The following SGCZ variants were observed in gnomAD, a reference collection of about 807,000 sequenced individuals.
The protein encoded by SGCZ is zeta-sarcoglycan.
In SGCZ, 40 loss-of-function variants were observed where a neutral mutation model predicts 41.3. The observed-to-expected ratio is 0.97, with a 90% CI of 0.75 to 1.26. The LOEUF (loss-of-function observed/expected upper bound fraction) is 1.26. Among genes scored for constraint, SGCZ ranks in the 50% most tolerant of loss-of-function variants. SGCZ has a pLI of 0.00. For synonymous variants in SGCZ, 206 were observed against 137.5 expected (o/e 1.50, Z -3.49); for missense variants, 552 against 369.8 (o/e 1.49, Z -4.04).
At chr8:14,237,729 A>C in intron 3 of SGCZ, 50 bp from the exon 4 acceptor site, 1 of 1,528,862 alleles carries the variant, frequency 6.5e-7, no homozygotes, top group Non-Finnish European at 9.0e-7. Flanking sequence ...ATATCGTCAA[A>C]TTTACAAAAA....
chr8:15,097,885 T>TGTATATATATATATATATAC (rs1563124100), intron 1 of SGCZ, among the ~76,000 whole-genome samples: 22 of 19,690 alleles, frequency 1.1e-3, no homozygotes, highest in African/African-American at 2.7e-3. Context: ...TATATATACG[T>TGTATATATATATATATATAC]GTGTATATAT....
chr8:14,516,132 G>GT (rs1208540023), intron 2 of SGCZ, among the ~76,000 whole-genome samples: 4 of 151,480 alleles, frequency 2.6e-5, no homozygotes, highest in East Asian at 2.0e-4. Context: ...TATGTCTGTG[G>GT]TTTTTTTCTT....
chr8:15,157,337 G>A (rs1799362637), intron 1 of SGCZ, among the ~76,000 whole-genome samples: 1 of 151,722 alleles, frequency 6.6e-6, no homozygotes, highest in Non-Finnish European at 1.5e-5. Context: ...GCCCAGGAGT[G>A]AGCTCACACC....
rs111711507 is a variant in SGCZ, at chr8:15,141,640, A to C, written c.39+95945T>G. Among the ~76,000 whole-genome samples the C allele has an allele frequency of 2.6e-5, 4 of 152,308 alleles. 1 individual carries two copies. Among genetic ancestry groups the C allele is most frequent in the African/African-American group, 9.6e-5 (4 of 41,584 alleles). ...GAACCTCATCCATGCACGGTGGCTC[A>C]CGCCTGTAATCCCAGCACTCTGGGA... On this transcript the variant is annotated intron_variant, in intron 1 of 7. Transcript: ENST00000382080.
At chr8:14,716,926 T>C (rs1388829363) in intron 1 of SGCZ, among the ~76,000 whole-genome samples, 1 of 152,058 alleles carries the variant, frequency 6.6e-6, no homozygotes, top group African/African-American at 2.4e-5. Flanking sequence ...TCTAATACAA[T>C]GCAATTATAT....
intron 1 of SGCZ, among the ~76,000 whole-genome samples, chr8:15,231,264 A>C (rs144436445): frequency 1.3e-5 from 2 of 152,186 alleles, no homozygotes; most frequent in Non-Finnish European, 2.9e-5. Flanking sequence ...TCATATGTCA[A>C]CTTGGCATAG....
intron 1 of SGCZ, among the ~76,000 whole-genome samples, chr8:14,622,978 G>A (rs1806333618): frequency 6.6e-6 from 1 of 152,124 alleles, no homozygotes; most frequent in South Asian, 2.1e-4. Context: ...CAGTAGCAGA[G>A]ATGAAAGAAC....
intron 4 of SGCZ, among the ~76,000 whole-genome samples, chr8:14,234,445 T>A (rs1806683887): frequency 6.6e-6 from 1 of 152,004 alleles, no homozygotes; most frequent in Admixed American, 6.6e-5. Context: ...ACAATGAGAA[T>A]AAAATATGGA....
At position 15,103,319 on chromosome 8, in the gene SGCZ, T is replaced by C. The variant is rs546914289; in HGVS notation, c.39+134266A>G. On this transcript the variant is annotated intron_variant, in intron 1 of 7. Transcript: ENST00000382080. ...GGGAGGCTGAGGCACGACAATCAGT[T>C]GAACCTGGGAGGCAGAGGCTGCAGT... 1.1e-4 allele frequency among the ~76,000 whole-genome samples: 16 copies of C among 152,196 alleles called. No individual in the cohort carries two copies. The East Asian group carries it at 2.9e-3, about 28-fold the overall frequency.
intron 1 of SGCZ, among the ~76,000 whole-genome samples, chr8:14,750,935 G>C (rs540911115): frequency 6.6e-5 from 10 of 152,276 alleles, no homozygotes; most frequent in African/African-American, 2.4e-4. Context: ...TAGTCAGAAA[G>C]CAATCAGGCT....
intron 2 of SGCZ, among the ~76,000 whole-genome samples, chr8:14,449,005 G>C (rs564317687): frequency 6.6e-5 from 10 of 152,144 alleles, no homozygotes; most frequent in Non-Finnish European, 1.2e-4. Flanking sequence ...GCAAACACAA[G>C]TTACATTCCA....
intron 1 of SGCZ, among the ~76,000 whole-genome samples, chr8:15,118,218 A>G (rs1312039858): frequency 6.6e-6 from 1 of 152,230 alleles, no homozygotes; most frequent in Non-Finnish European, 1.5e-5. Flanking sequence ...AATATTCAAT[A>G]AAAATCATTA....
intron 2 of SGCZ, among the ~76,000 whole-genome samples, chr8:14,359,555 TTAAAA>T (rs1325138338): frequency 2.0e-5 from 3 of 151,968 alleles, no homozygotes; most frequent in African/African-American, 7.3e-5. Flanking sequence ...GGAATAAAAC[TTAAAA>T]TAAATATCAA....
chr8:15,173,185 A>T (rs1232524452), intron 1 of SGCZ, among the ~76,000 whole-genome samples: 1 of 152,214 alleles, frequency 6.6e-6, no homozygotes, highest in Non-Finnish European at 1.5e-5. Flanking sequence ...GCAATTTTTT[A>T]AAATGTATTG....
At chr8:14,918,526 T>C (rs1799503764) in intron 1 of SGCZ, among the ~76,000 whole-genome samples, 1 of 152,202 alleles carries the variant, frequency 6.6e-6, no homozygotes, top group Non-Finnish European at 1.5e-5. Context: ...AAAAGGGCAA[T>C]ACTCATTTGA....
intron 1 of SGCZ, among the ~76,000 whole-genome samples, chr8:14,649,020 C>A (rs1306977831): frequency 1.3e-5 from 2 of 152,082 alleles, no homozygotes; most frequent in African/African-American, 4.8e-5. Flanking sequence ...CAACTATAGT[C>A]TAGCTGCTGT....
chr8:14,535,362 A>G (rs554913028), intron 2 of SGCZ, among the ~76,000 whole-genome samples: 177 of 152,006 alleles, frequency 1.2e-3, no homozygotes, highest in African/African-American at 4.0e-3. Context: ...ATGTGACTAA[A>G]AATGCATCTA....
intron 1 of SGCZ, among the ~76,000 whole-genome samples, chr8:14,903,649 A>G (rs1462561473): frequency 3.3e-5 from 5 of 152,098 alleles, no homozygotes; most frequent in African/African-American, 4.8e-5. Flanking sequence ...ATCCTGGAAG[A>G]CTGAGAATTT....
intron 2 of SGCZ, among the ~76,000 whole-genome samples, chr8:14,508,944 A>T (rs1461879): frequency 0.48 from 72,672 of 151,486 alleles, 17,667 homozygotes; most frequent in East Asian, 0.65. Flanking sequence ...ACAAACATCA[A>T]AATATGTAGT....
Sources: allele counts gnomAD v4.1 joint callset (sites outside exome capture counted in the v4.1 genomes callset), GRCh38; gene constraint gnomAD v4.1.1; transcripts MANE v1.5; gene names NCBI Gene and HGNC (gene_info 2026-07-23, HGNC 2026-07-21).